PXMP4: variants seen among roughly 807,000 people sequenced by gnomAD.
PXMP4 encodes the protein 24 kDa peroxisomal intrinsic membrane protein.
A neutral mutation model predicts 21.6 loss-of-function variants in PXMP4; 16 were observed. The ratio of observed to expected loss-of-function variants is 0.74; its 90% CI spans 0.50 to 1.13. The LOEUF (loss-of-function observed/expected upper bound fraction) is 1.13, where lower values mean the gene tolerates loss of function less well. PXMP4 is among the 50% of genes most tolerant of loss of function. The pLI, the probability that PXMP4 is intolerant of heterozygous loss-of-function variation, is 0.00. For missense variants in PXMP4, 240 were observed against 277.7 expected (o/e 0.86, Z 0.96); for synonymous variants, 127 against 123.8 (o/e 1.03, Z -0.17).
At chr20:33,711,482 GT>G (rs1311303382) in intron 2 of PXMP4, among the ~76,000 whole-genome samples, 1 of 152,104 alleles carries the variant, frequency 6.6e-6, no homozygotes, top group Non-Finnish European at 1.5e-5. Flanking sequence ...TGTGGGGAGG[GT>G]GCAGGGCAAA....
intron 1 of PXMP4, 109 bp from the exon 2 acceptor site, chr20:33,714,845 A>G: frequency 9.5e-7 from 1 of 1,057,418 alleles, no homozygotes; most frequent in Non-Finnish European, 1.5e-6. Context: ...TTCTAACACC[A>G]CTTTGGGAGG....
chr20:33,705,800 G>A lies in PXMP4; in HGVS notation c.*1906C>T, dbSNP rs2018251497. ...CTTAGGTTTCTAAATTTGAAACAAG[G>A]CACTGGAAAAAACATGGGCTTTGAA... On this transcript the variant is annotated 3_prime_UTR_variant, in exon 4 of 4. Coordinates refer to ENST00000409299, the MANE Select transcript of PXMP4 (RefSeq NM_007238.5). 1 of 152,152 alleles carries A rather than the reference G, an allele frequency of 6.6e-6. No homozygotes were observed. Among genetic ancestry groups the A allele is most frequent in the South Asian group, 2.1e-4 (1 of 4,832 alleles). The allele number at this position is 152,152 out of a possible 1,614,324, so 9.4% of individuals were successfully genotyped here.
chr20:33,715,690 G>A (rs915682241), intron 1 of PXMP4, among the ~76,000 whole-genome samples: 11 of 152,000 alleles, frequency 7.2e-5, no homozygotes, highest in African/African-American at 2.7e-4. Flanking sequence ...GCCTCCTAAA[G>A]TGCTGGGATT....
At position 33,707,752 on chromosome 20, in the gene PXMP4, T is replaced by C. The variant is rs1246683038; in HGVS notation, c.593A>G (p.Asp198Gly). 2 of 1,614,152 alleles carry C rather than the reference T, an allele frequency of 1.2e-6. No individual in the cohort carries two copies. The highest frequency in any genetic ancestry group is 1.7e-6 in the Non-Finnish European group (2 of 1,180,032). The change falls in exon 4 of 4, where the codon GAC becomes GGC. Residue 198 changes from aspartate (D) to glycine (G), a missense_variant. By Grantham distance (94) the Asp-to-Gly change is moderately conservative. Coordinates refer to ENST00000409299, the MANE Select transcript of PXMP4 (RefSeq NM_007238.5). The stretch of plus-strand genomic sequence containing the variant: ...GTTATAGACGAGGAAGTCTGAGATG[T>C]CGTGCCATACATTGCTGTCCTCATA... ...YLYEDSNVWH[D>G]ISDFLVYNKS...
At chr20:33,710,867 G>T in intron 2 of PXMP4, 114 bp from the exon 3 acceptor site, 1 of 1,040,364 alleles carries the variant, frequency 9.6e-7, no homozygotes. Flanking sequence ...TGCTCATTCA[G>T]TCACCGGCCT....
Position 33,710,522 on chromosome 20 carries a change from C to G in PXMP4, c.375+33G>C, listed in dbSNP as rs781112004. ...CCCACCTCTGTGCTGAACCACGCCC[C>G]CTTCACTACCCCCATCTCGGGAGGA... is the stretch of plus-strand genomic sequence containing the variant. On this transcript the variant is annotated intron_variant, in intron 3 of 3. Transcript: ENST00000409299. 11 of 1,481,362 alleles carry G rather than the reference C, an allele frequency of 7.4e-6. No individual in the cohort carries two copies. The Admixed American group carries it at 1.4e-4, about 19-fold the overall frequency. The allele number at this position is 1,481,362 out of a possible 1,614,324, so 91.8% of individuals were successfully genotyped here. A position where few individuals can be genotyped will look rare whatever the true frequency, so the allele number is the denominator to read the frequency against.
At chr20:33,715,747 G>T (rs1009142442) in intron 1 of PXMP4, among the ~76,000 whole-genome samples, 1 of 150,988 alleles carries the variant, frequency 6.6e-6, no homozygotes, top group Admixed American at 6.6e-5. Context: ...GATGGAAGGA[G>T]ATGGTACATG....
At chr20:33,712,833 G>T (rs577071168) in intron 2 of PXMP4, among the ~76,000 whole-genome samples, 1 of 152,326 alleles carries the variant, frequency 6.6e-6, no homozygotes, top group African/African-American at 2.4e-5. Context: ...GTTTCACCAT[G>T]TTGGCCAGGA....
intron 2 of PXMP4, among the ~76,000 whole-genome samples, chr20:33,713,569 T>C (rs1436984420): frequency 2.0e-5 from 3 of 152,206 alleles, no homozygotes; most frequent in African/African-American, 4.8e-5. Flanking sequence ...CCTGCTAGAA[T>C]GTCAGCAGGA....
intron 3 of PXMP4, among the ~76,000 whole-genome samples, chr20:33,708,304 A>G (rs927001547): frequency 6.6e-6 from 1 of 151,186 alleles, no homozygotes; most frequent in African/African-American, 2.4e-5. Flanking sequence ...CTCCTGCCTC[A>G]GCCTCCGGAG....
chr20:33,714,611 C>T, intron 2 of PXMP4, 63 bp downstream of exon 2: 1 of 1,506,180 alleles, frequency 6.6e-7, no homozygotes, highest in East Asian at 2.3e-5. Context: ...AGCTAAGAAG[C>T]TATTACGACT....
At chr20:33,715,474 G>C (rs954679021) in intron 1 of PXMP4, among the ~76,000 whole-genome samples, 2 of 151,586 alleles carry the variant, frequency 1.3e-5, no homozygotes, top group African/African-American at 4.9e-5. Flanking sequence ...GCCCAGGCTT[G>C]GAGTGCAGTG....
rs1009401412 is a variant in PXMP4, at chr20:33,712,092, C to T, written c.177-1339G>A. ...AAACTCAGGTGCTCTTAAGGCTAGA[C>T]GAAGACCCTAAATGAGTGAGAGGGT... On this transcript the variant is annotated intron_variant, in intron 2 of 3. Transcript: ENST00000409299. 1.3e-3 allele frequency among the ~76,000 whole-genome samples: 204 copies of T among 152,134 alleles called. 2 individuals carry two copies. Among genetic ancestry groups the T allele is most frequent in the Non-Finnish European group, 5.3e-4 (36 of 68,010 alleles).
chr20:33,714,654 C>T lies in PXMP4; in HGVS notation c.176+20G>A. The T allele has an allele frequency of 6.2e-7, 1 of 1,611,780 alleles. No homozygotes were observed. Among genetic ancestry groups the T allele is most frequent in the Admixed American group, 1.7e-5 (1 of 60,006 alleles). ...CACTGAGGGCTGACCACATTCTCTC[C>T]CAGTTTGAGGGATGTGTACCTGCCA... On this transcript the variant is annotated intron_variant, in intron 2 of 3. Transcript: ENST00000409299.
chr20:33,709,399 C>T (rs895843951), intron 3 of PXMP4, among the ~76,000 whole-genome samples: 5 of 152,154 alleles, frequency 3.3e-5, no homozygotes, highest in African/African-American at 1.2e-4. Flanking sequence ...GGACAAGTCA[C>T]AGAATGAGAG....
Position 33,710,745 on chromosome 20 carries a change from T to C in PXMP4, c.185A>G (p.Glu62Gly), listed in dbSNP as rs1351858776. Reference sequence around the variant, plus strand: ...GGCCTGCAGTATGGCCCACAGCTTCTCCTGGAGGCTGCACAAACACAGGTG... The same window carrying C: ...GGCCTGCAGTATGGCCCACAGCTTCCCCTGGAGGCTGCACAAACACAGGTG... Reference protein sequence around the residue: ...TFLFRNGSLQEKLWAILQATY... With the variant: ...TFLFRNGSLQGKLWAILQATY... The change falls in exon 3 of 4, where the codon GAG becomes GGG. Residue 62 changes from glutamate to glycine, a missense_variant. Glu to Gly is a moderately conservative substitution (Grantham distance 98). Transcript: ENST00000409299. 2 of 1,602,272 alleles carry C rather than the reference T, an allele frequency of 1.2e-6. No individual in the cohort carries two copies. Among genetic ancestry groups the C allele is most frequent in the African/African-American group, 2.7e-5 (2 of 74,604 alleles).
intron 1 of PXMP4, 152 bp downstream of exon 1, chr20:33,719,943 C>T: frequency 2.8e-6 from 2 of 704,120 alleles, no homozygotes; most frequent in Non-Finnish European, 4.6e-6. Context: ...CAAAATCCAG[C>T]TCCCATTGCA....
At position 33,710,686 on chromosome 20, in the gene PXMP4, C is replaced by G; in HGVS notation, c.244G>C (p.Val82Leu). Residue 82 changes from valine to leucine, a missense_variant, in exon 3 of 4, where the codon GTG becomes CTG. Val to Leu is a conservative substitution (Grantham distance 32, BLOSUM62 1). Coordinates refer to ENST00000409299, the MANE Select transcript of PXMP4 (RefSeq NM_007238.5). The part of the protein sequence containing the change: ...YIHSWNLARF[V>L]FTYKGLRALQ... ...GCACGGAGACCCTTGTAGGTGAACA[C>G]AAACCGTGCCAGGTTCCAGGAGTGG... is the stretch of plus-strand genomic sequence containing the variant. The G allele has an allele frequency of 6.2e-7, 1 of 1,613,904 alleles. No homozygotes were observed. The highest frequency in any genetic ancestry group is 8.5e-7 in the Non-Finnish European group (1 of 1,179,904).
At chr20:33,711,192 G>T (rs2018322326) in intron 2 of PXMP4, among the ~76,000 whole-genome samples, 1 of 152,164 alleles carries the variant, frequency 6.6e-6, no homozygotes, top group South Asian at 2.1e-4. Flanking sequence ...CCATGTGCTG[G>T]ATGTGGGGGT....
Sources: gnomAD v4.1 joint callset for allele counts (sites outside exome capture counted in the v4.1 genomes callset) on GRCh38, gnomAD v4.1.1 for gene constraint, MANE v1.5 for transcripts, NCBI Gene and HGNC (gene_info 2026-07-23, HGNC 2026-07-21) for gene names.